The following PDE1A variants were observed in gnomAD, a reference collection of about 807,000 sequenced individuals.
PDE1A encodes the protein dual specificity calcium/calmodulin-dependent 3',5'-cyclic nucleotide phosphodiesterase 1A.
In PDE1A, 35 loss-of-function variants were observed where a neutral mutation model predicts 61.7. The observed-to-expected ratio is 0.57, with a 90% CI of 0.43 to 0.75. PDE1A has a LOEUF of 0.75. Ranked by LOEUF, PDE1A falls within the 30% of genes least tolerant of loss-of-function variation. PDE1A has a pLI of 0.00. For synonymous variants in PDE1A, 232 were observed against 213.2 expected, an observed-to-expected ratio of 1.09 and a Z score of -0.77; for missense variants, 597 against 630.6, an observed-to-expected ratio of 0.95 and a Z score of 0.57.
At chr2:182,400,318 A>T (rs1484221538) in intron 1 of PDE1A, among the ~76,000 whole-genome samples, 2 of 152,192 alleles carry the variant, frequency 1.3e-5, no homozygotes, top group Non-Finnish European at 1.5e-5. Flanking sequence ...AACCTTTCTG[A>T]CATGGTGGCA....
At chr2:182,261,130 G>A (rs1692191505) in intron 2 of PDE1A, among the ~76,000 whole-genome samples, 1 of 152,078 alleles carries the variant, frequency 6.6e-6, no homozygotes, top group Non-Finnish European at 1.5e-5. Flanking sequence ...CTATCAAAAT[G>A]TTTTATATGT....
At chr2:182,586,955 C>T in the PDE1A span, among the ~76,000 whole-genome samples, 281 of 152,202 alleles carry the variant, frequency 1.8e-3, no homozygotes, top group Middle Eastern at 3.4e-3. Flanking sequence ...AAACAAAGCA[C>T]TACTAAAGCA....
At chr2:182,536,092 C>T in the PDE1A span, among the ~76,000 whole-genome samples, 1 of 152,134 alleles carries the variant, frequency 6.6e-6, no homozygotes, top group African/African-American at 2.4e-5. Context: ...CTGTGACTGA[C>T]ACAGTATTTA....
At chr2:182,368,342 C>G (rs377220446) in intron 1 of PDE1A, among the ~76,000 whole-genome samples, 130 of 151,372 alleles carry the variant, frequency 8.6e-4, no homozygotes, top group African/African-American at 2.9e-3. Flanking sequence ...CAGCCCCCCC[C>G]ACCCAAAGGC....
chr2:182,265,251 A>AG (rs932425318), intron 1 of PDE1A, among the ~76,000 whole-genome samples: 6 of 151,910 alleles, frequency 3.9e-5, no homozygotes, highest in African/African-American at 1.4e-4. Context: ...CCCCAAAAAA[A>AG]CTACTAAATA....
At chr2:182,148,239 T>A (rs1199452780) in intron 13 of PDE1A, among the ~76,000 whole-genome samples, 6 of 152,204 alleles carry the variant, frequency 3.9e-5, no homozygotes, top group Non-Finnish European at 8.8e-5. Context: ...CTTTCCCACC[T>A]TGTTTGTTAC....
At chr2:182,548,964 G>A in the PDE1A span, among the ~76,000 whole-genome samples, 43,832 of 152,012 alleles carry the variant, frequency 0.29, 6,859 homozygotes, top group Middle Eastern at 0.39. Flanking sequence ...TGTTTAAGAC[G>A]TTAAGTCCAA....
At chr2:182,661,607 G>A in the PDE1A span, among the ~76,000 whole-genome samples, 2 of 152,180 alleles carry the variant, frequency 1.3e-5, no homozygotes, top group South Asian at 4.2e-4. Flanking sequence ...ATATGGAACG[G>A]CTGGAAACGA....
intron 2 of PDE1A, among the ~76,000 whole-genome samples, chr2:182,445,007 A>G (rs374868819): frequency 1.3e-5 from 2 of 152,120 alleles, no homozygotes; most frequent in East Asian, 1.9e-4. Context: ...TTGGCTGTAG[A>G]AAATGGAATT....
intron 7 of PDE1A, among the ~76,000 whole-genome samples, chr2:182,219,077 C>G (rs1291731907): frequency 6.6e-6 from 1 of 151,966 alleles, no homozygotes; most frequent in Non-Finnish European, 1.5e-5. Flanking sequence ...ATCATTTGAT[C>G]TATTTATGAT....
chr2:182,322,471 C>T (rs952793663), intron 1 of PDE1A, among the ~76,000 whole-genome samples: 28 of 152,294 alleles, frequency 1.8e-4, no homozygotes, highest in South Asian at 6.2e-4. Context: ...CCTGCACATG[C>T]CCTCTTGCCT....
intron 2 of PDE1A, among the ~76,000 whole-genome samples, chr2:182,476,462 C>A (rs1356635738): frequency 6.6e-6 from 1 of 151,884 alleles, no homozygotes; most frequent in East Asian, 1.9e-4. Flanking sequence ...GCACTCAAAC[C>A]TGGGCAACAA....
At chr2:182,227,995 G>A (rs541777767) in intron 6 of PDE1A, among the ~76,000 whole-genome samples, 5 of 152,212 alleles carry the variant, frequency 3.3e-5, no homozygotes, top group South Asian at 4.2e-4. Context: ...TAGAGAGAAC[G>A]CAGTGCCAGG....
At chr2:182,644,128 TACACAC>T in the PDE1A span, among the ~76,000 whole-genome samples, 1 of 129,434 alleles carries the variant, frequency 7.7e-6, no homozygotes, top group Non-Finnish European at 1.6e-5. Flanking sequence ...AATCAATGAT[TACACAC>T]ACACACACAC....
At chr2:182,409,408 AT>A (rs1178079029) in intron 1 of PDE1A, among the ~76,000 whole-genome samples, 1 of 152,254 alleles carries the variant, frequency 6.6e-6, no homozygotes, top group African/African-American at 2.4e-5. Context: ...ACAAATATTT[AT>A]CTAGCACCTA....
chr2:182,714,880 C>A, the PDE1A span, among the ~76,000 whole-genome samples: 5 of 152,066 alleles, frequency 3.3e-5, no homozygotes, highest in South Asian at 6.2e-4. Flanking sequence ...AAAGCATTTA[C>A]CCTATTTGTC....
At chr2:182,261,527 TGTG>T (rs1692216755) in intron 2 of PDE1A, among the ~76,000 whole-genome samples, 1 of 152,138 alleles carries the variant, frequency 6.6e-6, no homozygotes, top group African/African-American at 2.4e-5. Flanking sequence ...TTAGGAATAA[TGTG>T]GTGTTAAAAG....
At chr2:182,539,137 T>A in the PDE1A span, among the ~76,000 whole-genome samples, 3 of 152,206 alleles carry the variant, frequency 2.0e-5, no homozygotes, top group African/African-American at 4.8e-5. Flanking sequence ...TCCTTCAACA[T>A]ACAAAATTCC....
chr2:182,176,161 G>A (rs867035819), intron 13 of PDE1A, among the ~76,000 whole-genome samples: 4,832 of 147,622 alleles, frequency 0.033, 577 homozygotes, highest in African/African-American at 0.12. Flanking sequence ...TTGACTTGGC[G>A]ATGCGGGCTC....
Sources: gnomAD v4.1 joint callset for allele counts (sites outside exome capture counted in the v4.1 genomes callset) on GRCh38, gnomAD v4.1.1 for gene constraint, MANE v1.5 for transcripts, NCBI Gene and HGNC (gene_info 2026-07-23, HGNC 2026-07-21) for gene names.